The following TLN2 variants were observed in gnomAD, a reference collection of about 807,000 sequenced individuals.
TLN2 encodes talin-2.
Under a neutral mutation model 294.7 loss-of-function variants are expected in TLN2, and 118 were observed. The ratio of observed to expected loss-of-function variants is 0.40; its 90% CI spans 0.34 to 0.47. The LOEUF (loss-of-function observed/expected upper bound fraction) is 0.47, where lower values mean the gene tolerates loss of function less well. TLN2 is among the 20% of genes least tolerant of loss of function. The pLI is 0.84. For missense variants in TLN2, 3,083 were observed against 3,282.2 expected (o/e 0.94, Z 1.48); for synonymous variants, 1,431 against 1,304.5 (o/e 1.10, Z -2.09).
At chr15:62,790,975 G>A (rs973528016) in intron 45 of TLN2, among the ~76,000 whole-genome samples, 2 of 152,158 alleles carry the variant, frequency 1.3e-5, no homozygotes, top group African/African-American at 4.8e-5. Flanking sequence ...GCTTAATTAT[G>A]AAATGTCTGT....
intron 9 of TLN2, among the ~76,000 whole-genome samples, chr15:62,664,412 A>ATT (rs2054278802): frequency 6.6e-6 from 1 of 152,094 alleles, no homozygotes; most frequent in Non-Finnish European, 1.5e-5. Context: ...AAATGTGTGA[A>ATT]GACAACCAAG....
intron 1 of TLN2, among the ~76,000 whole-genome samples, chr15:62,534,758 G>C (rs1386801869): frequency 6.6e-6 from 1 of 152,152 alleles, no homozygotes; most frequent in Non-Finnish European, 1.5e-5. Flanking sequence ...CTAGTCATCA[G>C]TCATCTTACT....
chr15:62,560,752 GC>G (rs2042892149), intron 1 of TLN2, among the ~76,000 whole-genome samples: 1 of 152,306 alleles, frequency 6.6e-6, no homozygotes, highest in African/African-American at 2.4e-5. Flanking sequence ...GCCCTTCTTT[GC>G]AGGGTGGACT....
At chr15:62,597,620 G>T (rs571343102) in intron 2 of TLN2, among the ~76,000 whole-genome samples, 9 of 152,180 alleles carry the variant, frequency 5.9e-5, no homozygotes, top group Non-Finnish European at 1.3e-4. Context: ...GCAAATGCCA[G>T]TGGCCAAGGA....
chr15:62,456,560 T>A (rs1368577560), intron 1 of TLN2, among the ~76,000 whole-genome samples: 1 of 152,136 alleles, frequency 6.6e-6, no homozygotes, highest in Non-Finnish European at 1.5e-5. Context: ...TGGGTAGACT[T>A]AGGTAGTATT....
Position 62,833,556 on chromosome 15 carries a change from C to G in TLN2, c.7055C>G (p.Ser2352Cys), listed in dbSNP as rs561056783. ...FEEQILEAAK[S>C]IAAATSALVK... The stretch of plus-strand genomic sequence containing the variant: ...GAACAGATCTTGGAAGCTGCTAAAT[C>G]CATTGCTGCTGCCACAAGCGCCCTG... The change falls in exon 55 of 59, where the codon TCC becomes TGC. Residue 2352 changes from serine to cysteine, a missense_variant. Coordinates refer to ENST00000636159, the MANE Select transcript of TLN2 (RefSeq NM_015059.3). 4 of 1,614,182 alleles carry G rather than the reference C, an allele frequency of 2.5e-6. No homozygotes were observed. The highest frequency in any genetic ancestry group is 1.1e-5 in the South Asian group (1 of 91,072).
intron 25 of TLN2, among the ~76,000 whole-genome samples, chr15:62,721,127 CT>C (rs1007818283): frequency 1.3e-5 from 2 of 152,094 alleles, no homozygotes; most frequent in Admixed American, 1.3e-4. Flanking sequence ...TTTAACTTTG[CT>C]AGTATAGATA....
intron 1 of TLN2, among the ~76,000 whole-genome samples, chr15:62,448,607 T>C (rs2035946366): frequency 6.6e-6 from 1 of 152,214 alleles, no homozygotes; most frequent in East Asian, 1.9e-4. Flanking sequence ...GGGAAAGACA[T>C]TGACGTTGTA....
chr15:62,405,138 C>T (rs1363272434), intron 1 of TLN2, among the ~76,000 whole-genome samples: 1 of 152,192 alleles, frequency 6.6e-6, no homozygotes, highest in Non-Finnish European at 1.5e-5. Flanking sequence ...CTGCTTCCTC[C>T]TTTTCTTGGG....
chr15:62,751,589 C>G (rs2061941691), intron 34 of TLN2, among the ~76,000 whole-genome samples: 1 of 152,216 alleles, frequency 6.6e-6, no homozygotes, highest in Non-Finnish European at 1.5e-5. Context: ...ACAGTCTCTC[C>G]ACAGGGTAAA....
At chr15:62,422,025 C>T (rs983288673) in intron 1 of TLN2, among the ~76,000 whole-genome samples, 1 of 151,850 alleles carries the variant, frequency 6.6e-6, no homozygotes, top group Admixed American at 6.6e-5. Context: ...CTTTGGGAGG[C>T]CGAGGCAGGT....
chr15:62,740,567 T>C (rs1446459100), intron 31 of TLN2, 63 bp from the exon 32 acceptor site: 3 of 1,603,642 alleles, frequency 1.9e-6, no homozygotes, highest in Non-Finnish European at 2.6e-6. Context: ...CTCCTAGCTC[T>C]CTGAATGCCT....
chr15:62,675,446 C>G, intron 11 of TLN2, 125 bp downstream of exon 11: 1 of 921,066 alleles, frequency 1.1e-6, no homozygotes, highest in Non-Finnish European at 1.7e-6. Flanking sequence ...GAACATCTGG[C>G]TAGTGCTGAC....
At chr15:62,703,399 C>T (rs147884817) in intron 19 of TLN2, among the ~76,000 whole-genome samples, 6 of 152,092 alleles carry the variant, frequency 3.9e-5, no homozygotes, top group African/African-American at 1.2e-4. Context: ...CGCGCCTGGC[C>T]GTGATTATTT....
rs1173214616 is a variant in TLN2 at position 62,717,698 on chromosome 15, C to G, written c.2877+9C>G. ...TGGTCCAGAGTTGCAAGGTGAGGTTCCAGTGCACAGAGAGCCAGGTCAGCT... is the reference window on the plus strand; with the variant it reads ...TGGTCCAGAGTTGCAAGGTGAGGTTGCAGTGCACAGAGAGCCAGGTCAGCT... On this transcript the variant is annotated intron_variant, in intron 24 of 58. Coordinates refer to ENST00000636159, the MANE Select transcript of TLN2 (RefSeq NM_015059.3). The G allele has an allele frequency of 3.9e-6, 6 of 1,555,664 alleles. No individual in the cohort carries two copies. In the South Asian group the frequency reaches 6.2e-5, roughly 16 times the overall value.
At chr15:62,546,819 G>A (rs1364710731) in intron 1 of TLN2, among the ~76,000 whole-genome samples, 1 of 152,204 alleles carries the variant, frequency 6.6e-6, no homozygotes, top group Non-Finnish European at 1.5e-5. Flanking sequence ...AGCATTTACA[G>A]ACTAGAGCAA....
chr15:62,575,430 T>A (rs1034453620), intron 1 of TLN2, among the ~76,000 whole-genome samples: 4 of 152,234 alleles, frequency 2.6e-5, no homozygotes, highest in African/African-American at 9.6e-5. Context: ...AAAATCAGAA[T>A]CAGTGTAAAT....
At chr15:62,563,933 A>T (rs2140610114) in intron 1 of TLN2, among the ~76,000 whole-genome samples, 1 of 152,310 alleles carries the variant, frequency 6.6e-6, no homozygotes, top group South Asian at 2.1e-4. Flanking sequence ...TGGGGTTCTC[A>T]GGAAGGGAGA....
chr15:62,488,109 C>T lies in TLN2; in HGVS notation c.-238+97424C>T, dbSNP rs529214775. ...AGAAGAAAAGGGAAAAAAAAGAAAACCACAAACACATGGTCACATGTAATC... is the reference window on the plus strand; with the variant it reads ...AGAAGAAAAGGGAAAAAAAAGAAAATCACAAACACATGGTCACATGTAATC... On this transcript the variant is annotated intron_variant, in intron 1 of 58. Coordinates refer to ENST00000636159, the MANE Select transcript of TLN2 (RefSeq NM_015059.3). Among the ~76,000 whole-genome samples, 24 of 152,112 alleles carry T rather than the reference C, an allele frequency of 1.6e-4. No individual in the cohort carries two copies. The South Asian group carries it at 4.4e-3, about 28-fold the overall frequency.
Sources: allele counts gnomAD v4.1 joint callset (sites outside exome capture counted in the v4.1 genomes callset), GRCh38; gene constraint gnomAD v4.1.1; transcripts MANE v1.5; gene names NCBI Gene and HGNC (gene_info 2026-07-23, HGNC 2026-07-21).